Variants in ARHGEF28 observed in about 807,000 individuals in gnomAD.
ARHGEF28 encodes the protein 190 kDa guanine nucleotide exchange factor.
A neutral mutation model predicts 206.6 loss-of-function variants in ARHGEF28; 152 were observed. The ratio of observed to expected loss-of-function variants is 0.74; its 90% CI spans 0.64 to 0.84. The LOEUF is 0.84. Among genes scored for constraint, ARHGEF28 ranks in the 40% least tolerant of loss-of-function variants. The pLI is 0.00. For synonymous variants in ARHGEF28, 763 were observed against 776.4 expected (o/e 0.98, Z 0.29); for missense variants, 2,028 against 2,073.2 (o/e 0.98, Z 0.42).
intron 6 of ARHGEF28, 190 bp from the exon 7 acceptor site, chr5:73,780,486 C>T: frequency 3.4e-6 from 2 of 581,160 alleles, no homozygotes; most frequent in Non-Finnish European, 3.0e-6. Flanking sequence ...CTTGGAGTTT[C>T]TCCTGACTTT....
intron 9 of ARHGEF28, among the ~76,000 whole-genome samples, chr5:73,812,678 G>A (rs1755914640): frequency 1.3e-5 from 2 of 152,124 alleles, no homozygotes; most frequent in South Asian, 4.1e-4. Context: ...TGTTCAGGGA[G>A]ACGGCAAGAA....
chr5:73,939,258 A>T (rs1262236972), intron 35 of ARHGEF28, among the ~76,000 whole-genome samples: 10 of 152,128 alleles, frequency 6.6e-5, no homozygotes, highest in Admixed American at 6.5e-4. Context: ...GAGAGAGATG[A>T]CGAATGTAAA....
At position 73,813,624 on chromosome 5, in the gene ARHGEF28, G is replaced by A. The variant is rs981378727; in HGVS notation, c.1024+18233G>A. ...ACTCCGACTCACCTTTTAACTACTC[G>A]TGGCCTTCCTTTCCCAAAATGAAGA... On this transcript the variant is annotated intron_variant, in intron 9 of 35. Coordinates refer to ENST00000513042, the MANE Select transcript of ARHGEF28 (RefSeq NM_001177693.2). The A allele has an allele frequency of 1.9e-5, 29 of 1,535,680 alleles. No homozygotes were observed. The highest frequency in any genetic ancestry group is 1.1e-4 in the African/African-American group (8 of 73,010).
At chr5:73,699,151 CTG>C (rs141319721) in intron 2 of ARHGEF28, among the ~76,000 whole-genome samples, 6 of 150,202 alleles carry the variant, frequency 4.0e-5, no homozygotes, top group East Asian at 3.9e-4. Context: ...TCCCCTAGAG[CTG>C]TGTGTGTGTG....
At chr5:73,893,042 C>A (rs953911575) in intron 27 of ARHGEF28, among the ~76,000 whole-genome samples, 155 bp from the exon 28 acceptor site, 9 of 151,560 alleles carry the variant, frequency 5.9e-5, no homozygotes, top group African/African-American at 2.2e-4. Flanking sequence ...CTCAAGAAAA[C>A]CAAGTCTCTG....
Position 73,887,653 on chromosome 5 carries a change from G to A in ARHGEF28, c.3361G>A (p.Asp1121Asn), listed in dbSNP as rs1273816497. ...TDVLLFLQEK[D>N]QKYIFAAVDQ... ...TGTGCTGCTCTTTTTACAAGAAAAA[G>A]ACCAGAAATACATCTTTGCAGCCGT... Residue 1121 changes from aspartate (D) to asparagine (N), a missense_variant, in exon 26 of 36, where the codon GAC becomes AAC. Transcript: ENST00000513042. 1 of 1,573,996 alleles carries A rather than the reference G, an allele frequency of 6.4e-7. No individual in the cohort carries two copies. Among genetic ancestry groups the A allele is most frequent in the Non-Finnish European group, 8.6e-7 (1 of 1,158,100 alleles).
intron 1 of ARHGEF28, among the ~76,000 whole-genome samples, chr5:73,652,392 G>A (rs1261150668): frequency 1.3e-5 from 2 of 152,094 alleles, no homozygotes; most frequent in African/African-American, 4.8e-5. Context: ...AGAGAGAGAG[G>A]GTCTGTGGGA....
intron 13 of ARHGEF28, among the ~76,000 whole-genome samples, chr5:73,851,613 AC>A (rs976095236): frequency 6.6e-6 from 1 of 152,182 alleles, no homozygotes; most frequent in African/African-American, 2.4e-5. Context: ...AATGACGTAA[AC>A]ATACTTTTGA....
intron 14 of ARHGEF28, among the ~76,000 whole-genome samples, chr5:73,856,030 C>T (rs553126566): frequency 6.6e-5 from 10 of 152,238 alleles, no homozygotes; most frequent in Middle Eastern, 3.4e-3. Context: ...TTCTCTTAGA[C>T]GTTGGATAGC....
At chr5:73,872,789 C>A (rs1760188172) in intron 21 of ARHGEF28, among the ~76,000 whole-genome samples, 1 of 152,084 alleles carries the variant, frequency 6.6e-6, no homozygotes, top group Non-Finnish European at 1.5e-5. Flanking sequence ...ACATATATGT[C>A]CTCTTTAATA....
intron 4 of ARHGEF28, among the ~76,000 whole-genome samples, chr5:73,757,395 AATAG>A (rs149468141): frequency 0.011 from 1,713 of 152,336 alleles, 24 homozygotes; most frequent in African/African-American, 0.04. Flanking sequence ...TTCAAATATA[AATAG>A]ATCTTACCGA....
intron 1 of ARHGEF28, among the ~76,000 whole-genome samples, chr5:73,632,256 T>C (rs1743417989): frequency 2.0e-5 from 3 of 152,196 alleles, no homozygotes; most frequent in African/African-American, 7.2e-5. Flanking sequence ...CAGTTAGTCC[T>C]TCCCAGATGT....
intron 4 of ARHGEF28, among the ~76,000 whole-genome samples, chr5:73,763,578 G>C (rs973861032): frequency 9.2e-5 from 14 of 152,094 alleles, no homozygotes; most frequent in African/African-American, 3.1e-4. Context: ...AACAGAACAG[G>C]GTCCCTGGAG....
At chr5:73,789,583 A>T (rs1482540447) in intron 7 of ARHGEF28, among the ~76,000 whole-genome samples, 1 of 152,214 alleles carries the variant, frequency 6.6e-6, no homozygotes, top group East Asian at 1.9e-4. Flanking sequence ...TACCTTAATA[A>T]AGCTGTCATA....
chr5:73,775,108 C>T (rs1753468602), intron 5 of ARHGEF28, among the ~76,000 whole-genome samples: 2 of 152,302 alleles, frequency 1.3e-5, no homozygotes, highest in East Asian at 3.9e-4. Context: ...AACATGACCC[C>T]ACTTCCTTGG....
At chr5:73,681,088 ATTTTTT>A (rs10551544) in intron 1 of ARHGEF28, among the ~76,000 whole-genome samples, 4 of 139,880 alleles carry the variant, frequency 2.9e-5, no homozygotes, top group Admixed American at 7.0e-5. Flanking sequence ...ATAGTAATGC[ATTTTTT>A]TTTTTTTTTT....
At chr5:73,831,143 A>T (rs1261829085) in intron 9 of ARHGEF28, among the ~76,000 whole-genome samples, 1 of 152,202 alleles carries the variant, frequency 6.6e-6, no homozygotes, top group African/African-American at 2.4e-5. Context: ...AATTCTGACC[A>T]ATAATATTTA....
intron 35 of ARHGEF28, among the ~76,000 whole-genome samples, chr5:73,917,597 G>C (rs1235824875): frequency 6.6e-6 from 1 of 152,208 alleles, no homozygotes; most frequent in Non-Finnish European, 1.5e-5. Flanking sequence ...AGCACACAGA[G>C]CCTAAGACAC....
intron 9 of ARHGEF28, among the ~76,000 whole-genome samples, chr5:73,832,103 G>A (rs944538970): frequency 2.0e-5 from 3 of 152,168 alleles, no homozygotes; most frequent in African/African-American, 4.8e-5. Context: ...GGAAAATAAC[G>A]CTTGAAGTGG....
Sources: allele counts gnomAD v4.1 joint callset (sites outside exome capture counted in the v4.1 genomes callset), GRCh38; gene constraint gnomAD v4.1.1; transcripts MANE v1.5; gene names NCBI Gene and HGNC (gene_info 2026-07-23, HGNC 2026-07-21).